GRID1: variants seen among roughly 807,000 people sequenced by gnomAD.
GRID1 encodes the protein glutamate receptor ionotropic, delta-1.
In GRID1, 28 loss-of-function variants were observed where a neutral mutation model predicts 98.0. The observed-to-expected ratio is 0.29, with a 90% CI of 0.21 to 0.39. GRID1 has a LOEUF of 0.39. Among genes scored for constraint, GRID1 ranks in the 10% least tolerant of loss-of-function variants. The pLI is 1.00. For missense variants in GRID1, 1,111 were observed against 1,340.5 expected (o/e 0.83, Z 2.67); for synonymous variants, 553 against 538.5 (o/e 1.03, Z -0.37).
chr10:86,245,523 CTTTACTCCATTCCTCCTCTACCAT>C (rs1846710851), intron 2 of GRID1, among the ~76,000 whole-genome samples: 1 of 150,808 alleles, frequency 6.6e-6, no homozygotes, highest in Non-Finnish European at 1.5e-5. Flanking sequence ...CTACCATTTG[CTTTACTCCATTCCTCCTCTACCAT>C]TCGCTTTACT....
intron 8 of GRID1, among the ~76,000 whole-genome samples, chr10:85,778,569 A>G (rs1441490942): frequency 2.6e-5 from 4 of 152,212 alleles, no homozygotes; most frequent in Non-Finnish European, 5.9e-5. Flanking sequence ...GCATGGGAAG[A>G]GGAAAAAACA....
intron 8 of GRID1, among the ~76,000 whole-genome samples, chr10:85,783,456 C>A (rs1274919902): frequency 6.6e-6 from 1 of 152,182 alleles, no homozygotes; most frequent in Non-Finnish European, 1.5e-5. Flanking sequence ...TTCCTCGAAT[C>A]TGATTTTATG....
intron 12 of GRID1, among the ~76,000 whole-genome samples, chr10:85,686,032 T>C (rs988705703): frequency 5.9e-5 from 9 of 152,272 alleles, no homozygotes; most frequent in African/African-American, 1.7e-4. Context: ...CAAGTCTATT[T>C]TGATCTTGTT....
chr10:85,710,018 T>C (rs990682529), intron 12 of GRID1, among the ~76,000 whole-genome samples: 15 of 152,266 alleles, frequency 9.9e-5, no homozygotes, highest in African/African-American at 2.9e-4. Flanking sequence ...TGCTAATGGA[T>C]TGGAAGACTT....
intron 8 of GRID1, among the ~76,000 whole-genome samples, chr10:85,813,184 T>C (rs4462276): frequency 0.017 from 2,528 of 151,504 alleles, 74 homozygotes; most frequent in Admixed American, 0.068. Context: ...GCAGTAATTA[T>C]AGAAAACATT....
At chr10:85,724,820 T>C in intron 10 of GRID1, 144 bp from the exon 11 acceptor site, 1 of 612,186 alleles carries the variant, frequency 1.6e-6, no homozygotes. Flanking sequence ...AGTCTGAATA[T>C]TATAAGGAAA....
rs1268426369 is a variant in GRID1, at chr10:86,206,147, G to T, written c.520+217C>A. Among the ~76,000 whole-genome samples the T allele has an allele frequency of 6.6e-6, 1 of 152,196 alleles. No individual in the cohort carries two copies. Among genetic ancestry groups the T allele is most frequent in the Non-Finnish European group, 1.5e-5 (1 of 68,038 alleles). On this transcript the variant is annotated intron_variant, in intron 3 of 15. Transcript: ENST00000327946. This position sits in a 1 kb window ranked among gnomAD's most constrained non-coding sequence, Gnocchi z 4.1. Reference sequence around the variant, plus strand: ...AGATGATTCAAACTTCAGCCGTCATGATAAGGTGTTGTTGCTAGGCAACTT... The same window carrying T: ...AGATGATTCAAACTTCAGCCGTCATTATAAGGTGTTGTTGCTAGGCAACTT...
intron 2 of GRID1, among the ~76,000 whole-genome samples, chr10:86,336,264 G>A (rs781578152): frequency 7.2e-5 from 11 of 152,210 alleles, no homozygotes; most frequent in Non-Finnish European, 1.6e-4. Flanking sequence ...CTAATAGGGT[G>A]CACAATGGCA....
intron 4 of GRID1, among the ~76,000 whole-genome samples, chr10:85,966,865 C>G (rs1412594086): frequency 6.6e-6 from 1 of 151,778 alleles, no homozygotes; most frequent in African/African-American, 2.4e-5. Context: ...TAGCTGACTA[C>G]TAAGAAAACT....
At chr10:86,318,512 C>T (rs1847928789) in intron 2 of GRID1, among the ~76,000 whole-genome samples, 1 of 152,230 alleles carries the variant, frequency 6.6e-6, no homozygotes, top group South Asian at 2.1e-4. Flanking sequence ...TTGCAGCCCC[C>T]TCCTGCTATG....
At chr10:86,219,215 G>C (rs952587151) in intron 2 of GRID1, among the ~76,000 whole-genome samples, 1 of 152,178 alleles carries the variant, frequency 6.6e-6, no homozygotes, top group African/African-American at 2.4e-5. Flanking sequence ...GGCAGGTCTA[G>C]CCCATTCCCT....
intron 4 of GRID1, among the ~76,000 whole-genome samples, chr10:86,076,927 C>A (rs1843890572): frequency 1.4e-5 from 2 of 139,502 alleles, no homozygotes. Context: ...TATGAGGATG[C>A]CAGCCATGTT....
intron 13 of GRID1, among the ~76,000 whole-genome samples, chr10:85,631,704 A>G (rs556838632): frequency 3.3e-5 from 5 of 152,318 alleles, no homozygotes; most frequent in Admixed American, 2.6e-4. Flanking sequence ...AAAATTTTAA[A>G]TTGTCCAAAG....
At chr10:86,324,106 G>A (rs1301899465) in intron 2 of GRID1, among the ~76,000 whole-genome samples, 6 of 152,030 alleles carry the variant, frequency 3.9e-5, no homozygotes, top group African/African-American at 1.5e-4. Flanking sequence ...TTGAACCCAG[G>A]ACGCAGAGAT....
chr10:86,320,799 A>T (rs907346810), intron 2 of GRID1, among the ~76,000 whole-genome samples: 6 of 152,130 alleles, frequency 3.9e-5, no homozygotes, highest in Admixed American at 2.0e-4. Flanking sequence ...TATTATTATT[A>T]TAGTAAAATG....
chr10:85,952,048 A>C (rs548068267), intron 4 of GRID1, among the ~76,000 whole-genome samples: 2 of 152,350 alleles, frequency 1.3e-5, no homozygotes, highest in South Asian at 4.1e-4. Context: ...ACACTATCCG[A>C]AGCACTAAAC....
chr10:86,314,104 G>C (rs1589446399), intron 2 of GRID1, among the ~76,000 whole-genome samples: 2 of 152,344 alleles, frequency 1.3e-5, no homozygotes, highest in South Asian at 4.2e-4. Context: ...GTTAAGGGCA[G>C]ATCAGGTCCA....
intron 4 of GRID1, among the ~76,000 whole-genome samples, chr10:86,131,312 G>C (rs111786241): frequency 6.6e-6 from 1 of 152,110 alleles, no homozygotes; most frequent in Admixed American, 6.5e-5. Context: ...TTGGGGATCC[G>C]GGAGCAGAAA....
intron 8 of GRID1, among the ~76,000 whole-genome samples, chr10:85,763,864 C>A (rs1233965012): frequency 6.6e-6 from 1 of 152,000 alleles, no homozygotes; most frequent in Non-Finnish European, 1.5e-5. Context: ...CAAAAGGTAC[C>A]AATTCATGAT....
Sources: allele counts gnomAD v4.1 joint callset (sites outside exome capture counted in the v4.1 genomes callset), GRCh38; gene constraint gnomAD v4.1.1; non-coding constraint Gnocchi (gnomAD v3.1); transcripts MANE v1.5; gene names NCBI Gene and HGNC (gene_info 2026-07-23, HGNC 2026-07-21).